ANAPC5: variants seen among roughly 807,000 people sequenced by gnomAD.
ANAPC5 encodes anaphase promoting complex subunit 5.
ANAPC5 carries 60 observed loss-of-function variants against 91.3 expected under a neutral mutation model. The ratio of observed to expected loss-of-function variants is 0.66; its 90% CI spans 0.53 to 0.81. ANAPC5 has a LOEUF of 0.81. ANAPC5 is among the 40% of genes least tolerant of loss of function. The pLI, the probability that ANAPC5 is intolerant of heterozygous loss-of-function variation, is 0.00. For missense variants in ANAPC5, 690 were observed against 931.5 expected, an observed-to-expected ratio of 0.74 and a Z score of 3.37; for synonymous variants, 340 against 364.1, an observed-to-expected ratio of 0.93 and a Z score of 0.75.
rs186163408 is a variant in ANAPC5, at chr12:121,339,761, G to A, written c.657+2242C>T. Among the ~76,000 whole-genome samples the A allele has an allele frequency of 3.3e-4, 50 of 152,086 alleles. 1 individual carries two copies. In the East Asian group the frequency reaches 6.0e-3, roughly 18 times the overall value. ...TGGGATTACAGGCATGAGCTGCCAC[G>A]CCCATCCTGTTTGCCTGTTAATTAT... is the stretch of plus-strand genomic sequence containing the variant. On this transcript the variant is annotated intron_variant, in intron 5 of 16. Coordinates refer to ENST00000261819, the MANE Select transcript of ANAPC5 (RefSeq NM_016237.5).
At chr12:121,351,339 C>CCTG in intron 1 of ANAPC5, 1 of 243,166 alleles carries the variant, frequency 4.1e-6, no homozygotes, top group East Asian at 1.5e-4. Context: ...CACTACTGCA[C>CCTG]TCCAGCCTGG....
In ANAPC5 at chr12:121,337,345, G is replaced by A; in HGVS notation, c.705C>T (p.Ser235=). 1 of 1,613,924 alleles carries A rather than the reference G, an allele frequency of 6.2e-7. No individual in the cohort carries two copies. The highest frequency in any genetic ancestry group is 1.6e-4 in the Middle Eastern group (1 of 6,062). ...ACAAATTGTTTAATTCCTTCTGCAA[G>A]GAAGCTGGAGTGAGGGCCTTAGTCT... is the stretch of plus-strand genomic sequence containing the variant. The part of the protein sequence containing the change: ...NDETKALTPA[S]LQKELNNLLK... The change falls in exon 6 of 17, where the codon TCC becomes TCT. Residue 235 remains serine, a synonymous_variant. Coordinates refer to ENST00000261819, the MANE Select transcript of ANAPC5 (RefSeq NM_016237.5).
chr12:121,321,474 C>T (rs1238291287), intron 11 of ANAPC5, among the ~76,000 whole-genome samples: 1 of 150,756 alleles, frequency 6.6e-6, no homozygotes, highest in Non-Finnish European at 1.5e-5. Flanking sequence ...CTCATCTCAG[C>T]CTCCCGAGTA....
intron 6 of ANAPC5, among the ~76,000 whole-genome samples, chr12:121,336,874 T>G (rs1555273538): frequency 6.6e-6 from 1 of 152,152 alleles, no homozygotes; most frequent in African/African-American, 2.4e-5. Context: ...ACGATTTCCT[T>G]CAAGAACCTG....
chr12:121,317,410 C>T (rs1174793997), intron 15 of ANAPC5, among the ~76,000 whole-genome samples: 1 of 151,756 alleles, frequency 6.6e-6, no homozygotes, highest in Non-Finnish European at 1.5e-5. Flanking sequence ...CGTGCCACCA[C>T]GCCCGGCTAA....
chr12:121,346,727 A>G, intron 3 of ANAPC5, 169 bp downstream of exon 3: 1 of 448,514 alleles, frequency 2.2e-6, no homozygotes, highest in Non-Finnish European at 3.9e-6. Flanking sequence ...TTCCACAGTT[A>G]ATGATTTAAA....
intron 4 of ANAPC5, among the ~76,000 whole-genome samples, chr12:121,344,226 C>G (rs1903571398): frequency 1.3e-5 from 2 of 152,100 alleles, no homozygotes; most frequent in African/African-American, 4.8e-5. Context: ...GATAAGCAAG[C>G]AAGCAAGTAA....
chr12:121,336,365 AAG>A (rs1193332991), intron 6 of ANAPC5, among the ~76,000 whole-genome samples: 2 of 152,190 alleles, frequency 1.3e-5, no homozygotes, highest in East Asian at 3.8e-4. Context: ...GAGAAAGGAA[AAG>A]AGTTTTTCAG....
intron 15 of ANAPC5, among the ~76,000 whole-genome samples, chr12:121,313,035 T>G (rs573889779): frequency 6.6e-6 from 1 of 151,946 alleles, no homozygotes; most frequent in Non-Finnish European, 1.5e-5. Context: ...CTTAAGAAAC[T>G]AGAAAAGAGG....
upstream of ANAPC5, among the ~76,000 whole-genome samples, chr12:121,352,707 G>GGTTGTTGTTGTTGTTGTT: frequency 9.1e-6 from 1 of 109,354 alleles, no homozygotes; most frequent in African/African-American, 3.1e-5. Context: ...TTTTGTTGTT[G>GGTTGTTGTTGTTGTTGTT]GTTGTTGTTG....
chr12:121,339,879 T>G (rs1335721164), intron 5 of ANAPC5, among the ~76,000 whole-genome samples: 5 of 149,326 alleles, frequency 3.3e-5, no homozygotes, highest in South Asian at 4.3e-4. Flanking sequence ...TTTTTTTTTT[T>G]TTTTTTTTTT....
At chr12:121,338,596 C>T (rs1555273753) in intron 5 of ANAPC5, among the ~76,000 whole-genome samples, 1 of 151,816 alleles carries the variant, frequency 6.6e-6, no homozygotes, top group Non-Finnish European at 1.5e-5. Context: ...CTCAAAAAAA[C>T]AAAACAAAAC....
chr12:121,339,531 C>T (rs753376934), intron 5 of ANAPC5, among the ~76,000 whole-genome samples: 13 of 152,098 alleles, frequency 8.5e-5, no homozygotes, highest in Non-Finnish European at 1.9e-4. Context: ...AGTACAGTGG[C>T]GAAATCTTGG....
chr12:121,326,791 T>C, intron 11 of ANAPC5: 1 of 295,254 alleles, frequency 3.4e-6, no homozygotes, highest in Non-Finnish European at 6.3e-6. Context: ...TATACTCTCC[T>C]CTCTCCTAAA....
chr12:121,347,178 GA>G (rs1903700595), intron 2 of ANAPC5, 173 bp from the exon 3 acceptor site: 1 of 512,864 alleles, frequency 1.9e-6, no homozygotes, highest in South Asian at 3.0e-5. Flanking sequence ...CCGTATTTCT[GA>G]AAAGTATCAT....
chr12:121,340,846 C>T (rs868947595), intron 5 of ANAPC5, among the ~76,000 whole-genome samples: 1 of 151,810 alleles, frequency 6.6e-6, no homozygotes, highest in South Asian at 2.1e-4. Flanking sequence ...AGGCGTGAGC[C>T]ACCATGCCCA....
chr12:121,325,506 TA>T (rs112149286), intron 11 of ANAPC5, among the ~76,000 whole-genome samples: 1 of 62,072 alleles, frequency 1.6e-5, no homozygotes, highest in African/African-American at 2.8e-5. Context: ...AATTAAAAAT[TA>T]AAAAAAAAAA....
At chr12:121,312,545 A>AT (rs1902206692) in intron 15 of ANAPC5, among the ~76,000 whole-genome samples, 2 of 150,764 alleles carry the variant, frequency 1.3e-5, no homozygotes, top group African/African-American at 4.9e-5. Context: ...TACTAAAAAT[A>AT]CAAAAAAAAA....
chr12:121,323,125 T>C (rs969280364), intron 11 of ANAPC5, among the ~76,000 whole-genome samples: 6 of 152,198 alleles, frequency 3.9e-5, no homozygotes, highest in African/African-American at 1.4e-4. Flanking sequence ...TATATAAATG[T>C]ACCAAGTACT....
Sources: gnomAD v4.1 joint callset for allele counts (sites outside exome capture counted in the v4.1 genomes callset) on GRCh38, gnomAD v4.1.1 for gene constraint, MANE v1.5 for transcripts, NCBI Gene and HGNC (gene_info 2026-07-23, HGNC 2026-07-21) for gene names.